Variants in RBMS1 observed in about 807,000 individuals in gnomAD.
RBMS1 encodes the protein RNA-binding motif, single-stranded-interacting protein 1.
Under a neutral mutation model 62.3 loss-of-function variants are expected in RBMS1, and 17 were observed. The ratio of observed to expected loss-of-function variants is 0.27; its 90% confidence interval spans 0.19 to 0.41. The LOEUF (loss-of-function observed/expected upper bound fraction) is 0.41. RBMS1 is among the 10% of genes least tolerant of loss of function. RBMS1 has a pLI of 1.00. For synonymous variants in RBMS1, 172 were observed against 170.0 expected, an observed-to-expected ratio of 1.01 and a Z score of -0.09; for missense variants, 334 against 504.5, an observed-to-expected ratio of 0.66 and a Z score of 3.24.
intron 1 of RBMS1, among the ~76,000 whole-genome samples, chr2:160,387,843 A>G (rs1056062524): frequency 6.6e-6 from 1 of 152,048 alleles, no homozygotes; most frequent in Non-Finnish European, 1.5e-5. Context: ...AAAAAAAAGA[A>G]AAGAAAAAGC....
intron 1 of RBMS1, among the ~76,000 whole-genome samples, chr2:160,476,486 CACTT>C (rs1356686646): frequency 6.6e-6 from 1 of 151,324 alleles, no homozygotes; most frequent in Non-Finnish European, 1.5e-5. Flanking sequence ...ATTCAATAAA[CACTT>C]ACCAAGTACC....
chr2:160,327,801 A>G (rs1691037624), intron 2 of RBMS1, among the ~76,000 whole-genome samples: 1 of 152,210 alleles, frequency 6.6e-6, no homozygotes, highest in Admixed American at 6.5e-5. Flanking sequence ...TATCTATCAT[A>G]AAAATGAATC....
In RBMS1 at chr2:160,272,273, A is replaced by G. The variant is rs1275659335; in HGVS notation, c.*2499T>C. ...CGTTTAACAACAAGTCCTAGGAAAG[A>G]AAACTACAGAGTTATCTTGAACCGG... On this transcript the variant is annotated 3_prime_UTR_variant, in exon 14 of 14. Transcript: ENST00000348849. 6.6e-6 allele frequency: 1 copy of G among 152,236 alleles called. No individual in the cohort carries two copies. Among genetic ancestry groups the G allele is most frequent in the Non-Finnish European group, 1.5e-5 (1 of 68,038 alleles). The allele number at this position is 152,236 out of a possible 1,614,324, so 9.4% of individuals were successfully genotyped here. A position where few individuals can be genotyped will look rare whatever the true frequency, so the allele number is the denominator to read the frequency against.
intron 1 of RBMS1, chr2:160,408,027 C>T (rs1695856719): frequency 1.5e-6 from 1 of 648,112 alleles, no homozygotes. Flanking sequence ...CCGCCCGGCC[C>T]CCGCGCTCTC....
intron 13 of RBMS1, chr2:160,275,251 G>A (rs3772069): frequency 0.3 from 46,378 of 153,454 alleles, 7,376 homozygotes; most frequent in East Asian, 0.53. Flanking sequence ...TGCTAAACTT[G>A]TAATGCTAGA....
chr2:160,437,204 G>A (rs542068689), intron 1 of RBMS1, among the ~76,000 whole-genome samples: 1 of 152,102 alleles, frequency 6.6e-6, no homozygotes, highest in Non-Finnish European at 1.5e-5. Context: ...TTGCCCTTAG[G>A]GACACCAAAC....
chr2:160,365,782 T>C (rs1693362646), intron 2 of RBMS1, among the ~76,000 whole-genome samples: 1 of 152,232 alleles, frequency 6.6e-6, no homozygotes. Context: ...TGCTCTTATC[T>C]ACCTGTAATT....
At chr2:160,308,816 A>T (rs1689693115) in intron 4 of RBMS1, among the ~76,000 whole-genome samples, 1 of 152,190 alleles carries the variant, frequency 6.6e-6, no homozygotes, top group African/African-American at 2.4e-5. Context: ...GTATTTGAAG[A>T]GCGCTGTAGA....
intron 4 of RBMS1, among the ~76,000 whole-genome samples, chr2:160,312,183 T>C (rs1462022503): frequency 6.6e-6 from 1 of 152,206 alleles, no homozygotes; most frequent in Non-Finnish European, 1.5e-5. Flanking sequence ...GGCCAACTTT[T>C]TCAAGGCCAT....
intron 6 of RBMS1, among the ~76,000 whole-genome samples, chr2:160,287,872 A>ATATATAGATCTGTATATTATTACCAC: frequency 6.6e-6 from 1 of 151,480 alleles, no homozygotes; most frequent in Non-Finnish European, 1.5e-5. Flanking sequence ...TTGCTTTACT[A>ATATATAGATCTGTATATTATTACCAC]TATATCTATA....
intron 4 of RBMS1, among the ~76,000 whole-genome samples, chr2:160,306,933 T>C (rs1689561734): frequency 6.6e-6 from 1 of 152,134 alleles, no homozygotes; most frequent in Non-Finnish European, 1.5e-5. Context: ...ACTTATTCTT[T>C]CAATTATAGG....
chr2:160,359,666 TA>T (rs1281854921), intron 2 of RBMS1, among the ~76,000 whole-genome samples: 1 of 152,214 alleles, frequency 6.6e-6, no homozygotes, highest in African/African-American at 2.4e-5. Context: ...ATGTTGAAGG[TA>T]ACTTCATAAT....
intron 1 of RBMS1, among the ~76,000 whole-genome samples, chr2:160,470,902 G>A (rs905942523): frequency 4.6e-5 from 7 of 152,046 alleles, no homozygotes; most frequent in East Asian, 1.9e-4. Context: ...GGTCTCTCTC[G>A]GACCCATGTC....
intron 1 of RBMS1, chr2:160,407,331 C>G (rs1695788492): frequency 2.0e-6 from 2 of 984,852 alleles, no homozygotes. Context: ...GAGCAGTCCC[C>G]GCGGCCGCCT....
At chr2:160,306,564 T>C (rs1194901214) in intron 4 of RBMS1, among the ~76,000 whole-genome samples, 2 of 152,056 alleles carry the variant, frequency 1.3e-5, no homozygotes, top group African/African-American at 4.8e-5. Context: ...TATTTATGTT[T>C]CTTTTCAAAC....
Position 160,304,494 on chromosome 2 carries a change from G to A in RBMS1, c.403-1007C>T, listed in dbSNP as rs538435600. ...AGCCATGCTTATCTTGTGATATTAC[G>A]CACATGAGCTGCATAATGACATTTC... On this transcript the variant is annotated intron_variant, in intron 4 of 13. Coordinates refer to ENST00000348849, the MANE Select transcript of RBMS1 (RefSeq NM_016836.4). Among the ~76,000 whole-genome samples, 6 of 152,202 alleles carry A rather than the reference G, an allele frequency of 3.9e-5. No homozygotes were observed. The East Asian group carries it at 1.2e-3, about 29-fold the overall frequency.
At position 160,407,564 on chromosome 2, in the gene RBMS1, G is replaced by C. The variant is rs1017279051; in HGVS notation, c.76-40173C>G. 5.1e-6 allele frequency: 5 copies of C among 983,884 alleles called. No homozygotes were observed. The African/African-American group carries it at 7.0e-5, about 14-fold the overall frequency. 60.9% of individuals were successfully genotyped at this position (983,884 alleles called of 1,614,324 possible). ...GGGCGGCGGCGGCGGGTGCGGGCGC[G>C]GGCGCGGGCGCGGGGCAGCCTCGCC... On this transcript the variant is annotated intron_variant, in intron 1 of 13. Transcript: ENST00000348849.
chr2:160,397,237 C>A (rs559366836), intron 1 of RBMS1, among the ~76,000 whole-genome samples: 1 of 152,106 alleles, frequency 6.6e-6, no homozygotes, highest in African/African-American at 2.4e-5. Context: ...TATTCCAAAT[C>A]TTTTGTCATA....
intron 2 of RBMS1, among the ~76,000 whole-genome samples, chr2:160,343,750 CT>C (rs999346025): frequency 1.3e-5 from 2 of 152,216 alleles, no homozygotes; most frequent in Non-Finnish European, 1.5e-5. Context: ...AGTGGAGCCC[CT>C]TTTTAAAACC....
Sources: allele counts gnomAD v4.1 joint callset (sites outside exome capture counted in the v4.1 genomes callset), GRCh38; gene constraint gnomAD v4.1.1; transcripts MANE v1.5; gene names NCBI Gene and HGNC (gene_info 2026-07-23, HGNC 2026-07-21).